The following DDX31 variants were observed in gnomAD, a reference collection of about 807,000 sequenced individuals.
DDX31 encodes the protein DEAD-box helicase 31, also known as ATP-dependent DNA helicase DDX31.
In DDX31, 70 loss-of-function variants were observed where a neutral mutation model predicts 91.3. The ratio of observed to expected loss-of-function variants is 0.77; its 90% CI spans 0.63 to 0.94. DDX31 has a LOEUF of 0.94. DDX31 is among the 40% of genes least tolerant of loss of function. The probability of loss-of-function intolerance (pLI) is 0.00; values close to 1 mark genes in which losing one functional copy is unlikely to be tolerated. For synonymous variants in DDX31, 362 were observed against 350.6 expected (o/e 1.03, Z -0.36); for missense variants, 902 against 925.0 (o/e 0.98, Z 0.32).
At chr9:132,650,175 TGA>T in intron 9 of DDX31, 57 bp downstream of exon 9, 2 of 1,543,262 alleles carry the variant, frequency 1.3e-6, no homozygotes, top group Non-Finnish European at 1.8e-6. Context: ...CCAGCCTTAC[TGA>T]ATAGGAAGGC....
Position 132,658,753 on chromosome 9 carries a change from G to A in DDX31, c.524-18C>T. ...AGTTTTACCTTTCAAAAAAAAAGCAGAAGCAATTAAAATCACACACCCTAC... is the reference window on the plus strand; with the variant it reads ...AGTTTTACCTTTCAAAAAAAAAGCAAAAGCAATTAAAATCACACACCCTAC... On this transcript the variant is annotated intron_variant, in intron 5 of 19. Transcript: ENST00000372159. 6.2e-7 allele frequency: 1 copy of A among 1,612,024 alleles called. No homozygotes were observed. Among genetic ancestry groups the A allele is most frequent in the South Asian group, 1.1e-5 (1 of 90,642 alleles).
intron 5 of DDX31, 64 bp from the exon 6 acceptor site, chr9:132,658,799 G>C: frequency 6.8e-7 from 1 of 1,477,372 alleles, no homozygotes; most frequent in Middle Eastern, 1.7e-4. Flanking sequence ...GAAAAGCAAA[G>C]GATGTAAAGG....
At chr9:132,630,724 T>C (rs1346477233) in intron 15 of DDX31, among the ~76,000 whole-genome samples, 1 of 152,268 alleles carries the variant, frequency 6.6e-6, no homozygotes, top group Non-Finnish European at 1.5e-5. Flanking sequence ...CTGTGGTGAC[T>C]GGATGAGGTG....
At chr9:132,666,391 T>A (rs1218896356) in intron 1 of DDX31, among the ~76,000 whole-genome samples, 1 of 152,180 alleles carries the variant, frequency 6.6e-6, no homozygotes, top group East Asian at 1.9e-4. Context: ...ATTCCAATTT[T>A]GAGTTGTTCT....
At chr9:132,652,563 G>A in intron 6 of DDX31, 71 bp from the exon 7 acceptor site, 1 of 1,582,104 alleles carries the variant, frequency 6.3e-7, no homozygotes, top group African/African-American at 1.3e-5. Context: ...ACAGGACACA[G>A]GGGTGGCCGG....
chr9:132,645,875 A>C lies in DDX31; in HGVS notation c.1380+20T>G, dbSNP rs1177474315. The C allele has an allele frequency of 1.1e-5, 17 of 1,599,766 alleles. No homozygotes were observed. The highest frequency in any genetic ancestry group is 1.5e-5 in the Non-Finnish European group (17 of 1,170,332). On this transcript the variant is annotated intron_variant, in intron 13 of 19. Coordinates refer to ENST00000372159, the MANE Select transcript of DDX31 (RefSeq NM_022779.9). ...CGTGGGGCCGCAGTGTTGTCGCTGC[A>C]CAGGGAGATCAGTGCTCACCTCCTG... is the stretch of plus-strand genomic sequence containing the variant.
intron 19 of DDX31, among the ~76,000 whole-genome samples, chr9:132,607,791 A>T (rs1831105928): frequency 6.6e-6 from 1 of 152,192 alleles, no homozygotes; most frequent in Non-Finnish European, 1.5e-5. Context: ...GGCCTCCCAA[A>T]GCACTGGGAT....
At chr9:132,663,510 TC>T in intron 1 of DDX31, 1 of 985,430 alleles carries the variant, frequency 1.0e-6, no homozygotes, top group Non-Finnish European at 1.2e-6. Flanking sequence ...TGTCCAAACT[TC>T]CCCTAGGAGA....
At chr9:132,631,588 C>A (rs923688613) in intron 15 of DDX31, among the ~76,000 whole-genome samples, 4 of 152,210 alleles carry the variant, frequency 2.6e-5, no homozygotes, top group Non-Finnish European at 5.9e-5. Flanking sequence ...AGTGCTAACA[C>A]CTGTACCCTC....
At chr9:132,628,164 T>C (rs1832510001) in intron 16 of DDX31, among the ~76,000 whole-genome samples, 1 of 152,236 alleles carries the variant, frequency 6.6e-6, no homozygotes, top group African/African-American at 2.4e-5. Context: ...GATGTCTGTT[T>C]AAGTTGATTA....
chr9:132,632,147 C>G, intron 14 of DDX31, 56 bp from the exon 15 acceptor site: 3 of 1,538,520 alleles, frequency 1.9e-6, no homozygotes, highest in Non-Finnish European at 2.7e-6. Flanking sequence ...TTTCTGGGGT[C>G]CTGGATATGT....
chr9:132,624,719 C>T (rs1832287588), intron 17 of DDX31, among the ~76,000 whole-genome samples: 1 of 152,212 alleles, frequency 6.6e-6, no homozygotes, highest in South Asian at 2.1e-4. Context: ...GTAGCACAGT[C>T]CTAGGTTGGG....
Position 132,612,095 on chromosome 9 carries a change from G to T in DDX31, c.1986C>A (p.His662Gln), listed in dbSNP as rs147506196. 6.2e-7 allele frequency: 1 copy of T among 1,613,444 alleles called. No individual in the cohort carries two copies. Residue 662 changes from histidine to glutamine, a missense_variant, in exon 19 of 20, where the codon CAC becomes CAA. Physicochemically the swap from His to Gln is conservative, Grantham distance 24 (BLOSUM62 0). Coordinates refer to ENST00000372159, the MANE Select transcript of DDX31 (RefSeq NM_022779.9). Reference protein sequence around the residue: ...SALTRKKRKAHVKRPDLHKKT... With the variant: ...SALTRKKRKAQVKRPDLHKKT... ...AATTCAGCTCATCTTACCTTTTCACGTGTGCTTTCCTCTTCTTTCTAGTCA... is the reference window on the plus strand; with the variant it reads ...AATTCAGCTCATCTTACCTTTTCACTTGTGCTTTCCTCTTCTTTCTAGTCA...
intron 6 of DDX31, among the ~76,000 whole-genome samples, chr9:132,653,964 A>C (rs1419673458): frequency 6.6e-6 from 1 of 152,210 alleles, no homozygotes; most frequent in South Asian, 2.1e-4. Context: ...ATAGCAAATA[A>C]AGTTGAGAAT....
intron 19 of DDX31, among the ~76,000 whole-genome samples, chr9:132,598,804 C>T (rs977995629): frequency 2.6e-5 from 4 of 152,198 alleles, no homozygotes; most frequent in Non-Finnish European, 5.9e-5. Flanking sequence ...TTGGGAAAGT[C>T]TTCATTCTAG....
At chr9:132,629,307 C>T (rs967842819) in intron 16 of DDX31, among the ~76,000 whole-genome samples, 1 of 152,238 alleles carries the variant, frequency 6.6e-6, no homozygotes, top group African/African-American at 2.4e-5. Context: ...ACATTACAAC[C>T]AGGAGTAGTT....
intron 19 of DDX31, among the ~76,000 whole-genome samples, chr9:132,608,813 T>A (rs1268155003): frequency 6.6e-6 from 1 of 152,154 alleles, no homozygotes; most frequent in Non-Finnish European, 1.5e-5. Context: ...TCAAGCACTT[T>A]GTGGGGTTTA....
rs1330831603 is a variant in DDX31, at chr9:132,594,788, G to A, written c.*78C>T. 4 of 1,559,544 alleles carry A rather than the reference G, an allele frequency of 2.6e-6. No homozygotes were observed. Among genetic ancestry groups the A allele is most frequent in the Admixed American group, 1.9e-5 (1 of 52,454 alleles). ...GCAAAGGCGCAGTTATTTTTCACAA[G>A]CCTCCTCTGACAAGAACTGGACATC... On this transcript the variant is annotated 3_prime_UTR_variant, in exon 20 of 20. Transcript: ENST00000372159.
At position 132,594,824 on chromosome 9, in the gene DDX31, C is replaced by T; in HGVS notation, c.*42G>A. The T allele has an allele frequency of 6.2e-7, 1 of 1,602,870 alleles. No individual in the cohort carries two copies. Among genetic ancestry groups the T allele is most frequent in the Non-Finnish European group, 8.5e-7 (1 of 1,173,768 alleles). On this transcript the variant is annotated 3_prime_UTR_variant, in exon 20 of 20. Coordinates refer to ENST00000372159, the MANE Select transcript of DDX31 (RefSeq NM_022779.9). The stretch of plus-strand genomic sequence containing the variant: ...CAAGAACTGGACATCAATCCACTGC[C>T]ACCCGGGGCTTCCAGGTTCCACTCG...
Sources: allele counts gnomAD v4.1 joint callset (sites outside exome capture counted in the v4.1 genomes callset), GRCh38; gene constraint gnomAD v4.1.1; transcripts MANE v1.5; gene names NCBI Gene and HGNC (gene_info 2026-07-23, HGNC 2026-07-21).